Variants in ACTR5 observed in about 807,000 individuals in gnomAD.
ACTR5 encodes the protein actin related protein 5.
ACTR5 carries 43 observed loss-of-function variants against 61.2 expected under a neutral mutation model. The ratio of observed to expected loss-of-function variants is 0.70; its 90% confidence interval spans 0.55 to 0.91. The LOEUF is 0.91. Ranked by LOEUF, ACTR5 falls within the 40% of genes least tolerant of loss-of-function variation. The probability of loss-of-function intolerance (pLI) is 0.00; values close to 1 mark genes in which losing one functional copy is unlikely to be tolerated. For missense variants in ACTR5, 798 were observed against 782.2 expected (o/e 1.02, Z -0.24); for synonymous variants, 333 against 310.5 (o/e 1.07, Z -0.76).
chr20:38,756,100 G>A, intron 5 of ACTR5, 61 bp downstream of exon 5: 1 of 1,500,526 alleles, frequency 6.7e-7, no homozygotes, highest in African/African-American at 1.4e-5. Context: ...TGAGAGGCCT[G>A]ACATCAAAGG....
At chr20:38,766,017 TC>T (rs2084484304) in intron 6 of ACTR5, among the ~76,000 whole-genome samples, 1 of 152,114 alleles carries the variant, frequency 6.6e-6, no homozygotes, top group Admixed American at 6.5e-5. Flanking sequence ...TCCCTGCAAC[TC>T]GGGGACCATT....
chr20:38,750,299 T>A, intron 2 of ACTR5, 60 bp downstream of exon 2: 1 of 1,443,934 alleles, frequency 6.9e-7, no homozygotes, highest in Non-Finnish European at 9.6e-7. Context: ...AACATTTATT[T>A]ACTGCGTGCT....
rs2084520981 is a variant in ACTR5 at position 38,771,681 on chromosome 20, G to GTAC, written c.1690_1692dup (p.Tyr564dup). ...AAGAGTATGAAGAAAAGGGAGGAGA[G>GTAC]TACCTCAAGGAGCACTGTGCTTCCA... On this transcript the variant is annotated inframe_insertion, in exon 9 of 9. Transcript: ENST00000243903. The GTAC allele has an allele frequency of 6.2e-7, 1 of 1,614,060 alleles. No homozygotes were observed. Among genetic ancestry groups the GTAC allele is most frequent in the South Asian group, 1.1e-5 (1 of 91,078 alleles).
At chr20:38,764,595 G>T (rs531409503) in intron 5 of ACTR5, among the ~76,000 whole-genome samples, 1 of 152,326 alleles carries the variant, frequency 6.6e-6, no homozygotes, top group African/African-American at 2.4e-5. Context: ...CTACCTTGGA[G>T]CCTCTAGTCG....
chr20:38,759,911 T>A (rs2084443681), intron 5 of ACTR5, among the ~76,000 whole-genome samples: 1 of 152,066 alleles, frequency 6.6e-6, no homozygotes, highest in Non-Finnish European at 1.5e-5. Flanking sequence ...CTCACATCTG[T>A]AATCCCAACA....
In ACTR5 at chr20:38,767,504, T is replaced by C. The variant is rs1405437946; in HGVS notation, c.1474T>C (p.Phe492Leu). The C allele has an allele frequency of 5.0e-6, 8 of 1,614,142 alleles. No individual in the cohort carries two copies. The highest frequency in any genetic ancestry group is 1.1e-5 in the South Asian group (1 of 91,080). The change falls in exon 8 of 9, where the codon TTC (phenylalanine) becomes CTC (leucine). Residue 492 changes from phenylalanine to leucine, a missense_variant. Coordinates refer to ENST00000243903, the MANE Select transcript of ACTR5 (RefSeq NM_024855.4). ...DIQEMLVQNV[F>L]LTGGNTMYPG... Reference sequence around the variant, plus strand: ...TCAGGAAATGCTGGTTCAGAACGTTTTCCTCACTGGCGGCAACACGATGTA... The same window carrying C: ...TCAGGAAATGCTGGTTCAGAACGTTCTCCTCACTGGCGGCAACACGATGTA...
chr20:38,755,766 AG>A, intron 4 of ACTR5, 90 bp from the exon 5 acceptor site: 1 of 1,434,396 alleles, frequency 7.0e-7, no homozygotes. Flanking sequence ...AGGGTAGGCC[AG>A]GGGAGCTCTG....
chr20:38,751,907 A>T (rs1008196529), intron 2 of ACTR5, among the ~76,000 whole-genome samples: 1 of 152,128 alleles, frequency 6.6e-6, no homozygotes, highest in Non-Finnish European at 1.5e-5. Context: ...TGGAGTGCAT[A>T]CTTGTTAGGT....
intron 1 of ACTR5, 132 bp from the exon 2 acceptor site, chr20:38,749,878 C>T (rs769386461): frequency 1.7e-5 from 11 of 662,586 alleles, no homozygotes; most frequent in Non-Finnish European, 2.6e-5. Context: ...GTTTTATAAT[C>T]GCCTCTGATC....
At chr20:38,769,785 T>G (rs2084509447) in intron 8 of ACTR5, among the ~76,000 whole-genome samples, 1 of 151,820 alleles carries the variant, frequency 6.6e-6, no homozygotes, top group Non-Finnish European at 1.5e-5. Context: ...TAAAGAACAC[T>G]AGCATTTAAG....
chr20:38,766,954 G>A (rs879284549), intron 7 of ACTR5, among the ~76,000 whole-genome samples: 7 of 152,180 alleles, frequency 4.6e-5, no homozygotes, highest in African/African-American at 1.7e-4. Flanking sequence ...CTGCTACTTT[G>A]TTTGAGTGGC....
rs2145677387 is a variant in ACTR5 at position 38,767,595 on chromosome 20, A to AG, written c.1566+1dup. 2 of 1,606,458 alleles carry AG rather than the reference A, an allele frequency of 1.2e-6. No individual in the cohort carries two copies. Among genetic ancestry groups the AG allele is most frequent in the East Asian group, 4.5e-5 (2 of 44,778 alleles). On this transcript the variant is annotated frameshift_variant and splice_region_variant, in exon 8 of 9. Transcript: ENST00000243903. LOFTEE classifies it high-confidence loss of function. ...ATGAGACCCTTCCGGTCTTCTTTTC[A>AG]GGTACTGATTGTTCGAGTAGTCAAT...
At chr20:38,755,596 C>G (rs1174019987) in intron 4 of ACTR5, among the ~76,000 whole-genome samples, 3 of 151,222 alleles carry the variant, frequency 2.0e-5, no homozygotes, top group Non-Finnish European at 3.0e-5. Context: ...CATCCCCCGC[C>G]CCACCAAAAA....
At chr20:38,761,042 A>G (rs1327193260) in intron 5 of ACTR5, among the ~76,000 whole-genome samples, 3 of 152,100 alleles carry the variant, frequency 2.0e-5, no homozygotes, top group Admixed American at 1.3e-4. Context: ...CAGCCTCCCT[A>G]GTAGCTAGGA....
rs929213811 is a variant in ACTR5, at chr20:38,748,958, C to G, written c.375+105C>G. Reference sequence around the variant, plus strand: ...GAGGTAACAGTCACTTCAGTAGCTCCGATTGTCTTTTAGTCGACCAGATGC... The same window carrying G: ...GAGGTAACAGTCACTTCAGTAGCTCGGATTGTCTTTTAGTCGACCAGATGC... On this transcript the variant is annotated intron_variant, in intron 1 of 8. Coordinates refer to ENST00000243903, the MANE Select transcript of ACTR5 (RefSeq NM_024855.4). 5 of 1,390,646 alleles carry G rather than the reference C, an allele frequency of 3.6e-6. No homozygotes were observed. The African/African-American group carries it at 7.5e-5, about 21-fold the overall frequency. 86.1% of individuals were successfully genotyped at this position (1,390,646 alleles called of 1,614,324 possible). A position where few individuals can be genotyped will look rare whatever the true frequency, so the allele number is the denominator to read the frequency against.
intron 5 of ACTR5, among the ~76,000 whole-genome samples, chr20:38,763,835 G>A (rs2084469501): frequency 1.3e-5 from 2 of 152,078 alleles, no homozygotes; most frequent in African/African-American, 4.8e-5. Flanking sequence ...CTTTAGATTC[G>A]TGTCACCCAA....
chr20:38,750,830 C>T (rs2084383346), intron 2 of ACTR5, among the ~76,000 whole-genome samples: 1 of 152,044 alleles, frequency 6.6e-6, no homozygotes, highest in Non-Finnish European at 1.5e-5. Context: ...AGGGTTTCAC[C>T]ATGTTGGTCA....
At chr20:38,750,260 T>C (rs1367793727) in intron 2 of ACTR5, 21 bp downstream of exon 2, 2 of 1,596,968 alleles carry the variant, frequency 1.3e-6, no homozygotes, top group Admixed American at 1.7e-5. Context: ...CTTGTGGCAT[T>C]TGAGTGCGAT....
chr20:38,768,470 A>C (rs1053279971), intron 8 of ACTR5, among the ~76,000 whole-genome samples: 2 of 152,214 alleles, frequency 1.3e-5, no homozygotes, highest in African/African-American at 4.8e-5. Flanking sequence ...AGGTGTAAGC[A>C]TCCGAGGCCT....
Sources: gnomAD v4.1 joint callset for allele counts (sites outside exome capture counted in the v4.1 genomes callset) on GRCh38, gnomAD v4.1.1 for gene constraint, MANE v1.5 for transcripts, NCBI Gene and HGNC (gene_info 2026-07-23, HGNC 2026-07-21) for gene names.